EBPL: variants seen among roughly 807,000 people sequenced by gnomAD.
EBPL encodes emopamil-binding protein-like.
In EBPL, 20 loss-of-function variants were observed where a neutral mutation model predicts 19.0. That is an observed-to-expected ratio of 1.05 (90% confidence interval 0.74 to 1.53). The LOEUF is 1.53. Ranked by LOEUF, EBPL falls within the 40% of genes most tolerant of loss-of-function variation. The probability of loss-of-function intolerance (pLI) is 0.00; values close to 1 mark genes in which losing one functional copy is unlikely to be tolerated. For missense variants in EBPL, 219 were observed against 261.1 expected, an observed-to-expected ratio of 0.84 and a Z score of 1.11; for synonymous variants, 107 against 117.0, an observed-to-expected ratio of 0.91 and a Z score of 0.55.
intron 1 of EBPL, among the ~76,000 whole-genome samples, chr13:49,675,355 G>C (rs1319732767): frequency 2.0e-5 from 3 of 152,208 alleles, no homozygotes; most frequent in Admixed American, 6.5e-5. Flanking sequence ...TAGACAATAG[G>C]AATTTTTCAG....
chr13:49,688,502 G>A lies in EBPL; in HGVS notation c.171+2752C>T, dbSNP rs577142109. Among the ~76,000 whole-genome samples the A allele has an allele frequency of 2.7e-4, 41 of 152,206 alleles. 1 individual carries two copies. Among genetic ancestry groups the A allele is most frequent in the African/African-American group, 9.4e-4 (39 of 41,524 alleles). On this transcript the variant is annotated intron_variant, in intron 1 of 3. Coordinates refer to ENST00000242827, the MANE Select transcript of EBPL (RefSeq NM_032565.5). ...TGGAAGGCCGAGGCAGGTAGATCACGAGGTCAGGAGATCGAGACCATCCTG... is the reference window on the plus strand; with the variant it reads ...TGGAAGGCCGAGGCAGGTAGATCACAAGGTCAGGAGATCGAGACCATCCTG...
At chr13:49,687,340 T>C (rs945932137) in intron 1 of EBPL, among the ~76,000 whole-genome samples, 8 of 152,042 alleles carry the variant, frequency 5.3e-5, no homozygotes, top group African/African-American at 1.9e-4. Flanking sequence ...GCCTCTCTCT[T>C]TTTTTTAAAT....
chr13:49,676,433 T>C lies in EBPL; in HGVS notation c.172-6587A>G, dbSNP rs369222238. On this transcript the variant is annotated intron_variant, in intron 1 of 3. Transcript: ENST00000242827. ...GGCGAAACCCCGTCTCTACTAAAAA[T>C]ACAAAAAAATTAGCCGGGCGTGGTG... is the stretch of plus-strand genomic sequence containing the variant. Among the ~76,000 whole-genome samples the C allele has an allele frequency of 2.4e-4, 37 of 151,852 alleles. 1 individual carries two copies. In the East Asian group the frequency reaches 7.0e-3, roughly 29 times the overall value.
chr13:49,663,308 C>G, intron 2 of EBPL, 113 bp from the exon 3 acceptor site: 3 of 1,359,662 alleles, frequency 2.2e-6, no homozygotes, highest in Non-Finnish European at 3.1e-6. Context: ...GCCACTCTCT[C>G]TGCATTCTTC....
chr13:49,689,497 C>T (rs1202420035), intron 1 of EBPL, among the ~76,000 whole-genome samples: 1 of 152,052 alleles, frequency 6.6e-6, no homozygotes, highest in Non-Finnish European at 1.5e-5. Flanking sequence ...TTATGGGCAC[C>T]GTCACCACAC....
intron 2 of EBPL, among the ~76,000 whole-genome samples, chr13:49,666,415 T>C (rs1351809105): frequency 6.6e-6 from 1 of 151,968 alleles, no homozygotes; most frequent in Non-Finnish European, 1.5e-5. Flanking sequence ...AAAGCAGACA[T>C]AATACTGAAT....
intron 2 of EBPL, among the ~76,000 whole-genome samples, chr13:49,667,850 T>C (rs561582215): frequency 6.6e-6 from 1 of 152,184 alleles, no homozygotes; most frequent in Non-Finnish European, 1.5e-5. Context: ...GTGTTAGACA[T>C]TTGCATTTCA....
intron 1 of EBPL, among the ~76,000 whole-genome samples, chr13:49,670,575 C>A (rs891457741): frequency 7.2e-5 from 11 of 152,194 alleles, no homozygotes; most frequent in African/African-American, 2.7e-4. Context: ...TGGGTCCTGC[C>A]ACCCCAGAGG....
At chr13:49,682,898 C>T (rs1482917886) in intron 1 of EBPL, among the ~76,000 whole-genome samples, 1 of 152,148 alleles carries the variant, frequency 6.6e-6, no homozygotes, top group African/African-American at 2.4e-5. Context: ...CCCACCGCCC[C>T]AGGCTCCTTG....
At position 49,671,760 on chromosome 13, in the gene EBPL, C is replaced by T. The variant is rs184922730; in HGVS notation, c.172-1914G>A. ...ATAGATTGTAAATCTCATCCTAAAA[C>T]GAAATGCAACCTCCACTGGCGACCT... On this transcript the variant is annotated intron_variant, in intron 1 of 3. Coordinates refer to ENST00000242827, the MANE Select transcript of EBPL (RefSeq NM_032565.5). Among the ~76,000 whole-genome samples, 205 of 152,268 alleles carry T rather than the reference C, an allele frequency of 1.3e-3. 1 individual carries two copies. The highest frequency in any genetic ancestry group is 4.5e-3 in the African/African-American group (189 of 41,540).
Position 49,669,788 on chromosome 13 carries a change from A to G in EBPL, c.230T>C (p.Ile77Thr). 6.2e-7 allele frequency: 1 copy of G among 1,614,118 alleles called. No individual in the cohort carries two copies. Among genetic ancestry groups the G allele is most frequent in the Non-Finnish European group, 8.5e-7 (1 of 1,179,970 alleles). ...VGNVANSDGL[I>T]ASLWKEYGKA... ...TTTTAATTACTTACATAAAGAAGCA[A>G]TCAAGCCATCGGAATTTGCAACGTT... The change falls in exon 2 of 4, where the codon ATT becomes ACT. Residue 77 changes from isoleucine (I) to threonine (T), a missense_variant. Transcript: ENST00000242827.
intron 1 of EBPL, among the ~76,000 whole-genome samples, chr13:49,688,575 C>T (rs1056448454): frequency 6.6e-6 from 1 of 151,890 alleles, no homozygotes; most frequent in African/African-American, 2.4e-5. Flanking sequence ...AAAAATTAGC[C>T]GGGCGTGGTG....
At chr13:49,663,259 A>C (rs887349635) in intron 2 of EBPL, 64 bp from the exon 3 acceptor site, 2 of 1,589,650 alleles carry the variant, frequency 1.3e-6, no homozygotes, top group African/African-American at 2.7e-5. Context: ...CATGGAAATG[A>C]CCTTTCTTTC....
chr13:49,685,606 G>T (rs1953987867), intron 1 of EBPL, among the ~76,000 whole-genome samples: 1 of 152,172 alleles, frequency 6.6e-6, no homozygotes, highest in Non-Finnish European at 1.5e-5. Flanking sequence ...TGGTCATGGT[G>T]GCTCACGCCT....
At chr13:49,689,027 G>A (rs891052935) in intron 1 of EBPL, among the ~76,000 whole-genome samples, 2 of 152,294 alleles carry the variant, frequency 1.3e-5, no homozygotes, top group African/African-American at 4.8e-5. Flanking sequence ...CTGGTTAAGT[G>A]ATCGTATTCA....
At chr13:49,661,905 A>G (rs1965154989) in intron 3 of EBPL, 3 of 1,550,620 alleles carry the variant, frequency 1.9e-6, no homozygotes, top group Non-Finnish European at 2.6e-6. Flanking sequence ...ATAGCAATCT[A>G]TTCACCCCAG....
At chr13:49,683,456 G>A (rs1395971468) in intron 1 of EBPL, among the ~76,000 whole-genome samples, 2 of 152,006 alleles carry the variant, frequency 1.3e-5, no homozygotes, top group Non-Finnish European at 2.9e-5. Context: ...GTGTGAACCC[G>A]GGAGGCGGAG....
intron 2 of EBPL, among the ~76,000 whole-genome samples, chr13:49,665,913 G>C (rs1470105443): frequency 6.6e-6 from 1 of 152,160 alleles, no homozygotes; most frequent in Non-Finnish European, 1.5e-5. Context: ...AGACTTCCTG[G>C]AGGAGGTGTT....
chr13:49,663,418 C>T (rs1965177843), intron 2 of EBPL, among the ~76,000 whole-genome samples: 1 of 152,192 alleles, frequency 6.6e-6, no homozygotes, highest in Admixed American at 6.5e-5. Context: ...GGTGTCCAAT[C>T]ATTCAGTTTC....
Sources: allele counts gnomAD v4.1 joint callset (sites outside exome capture counted in the v4.1 genomes callset), GRCh38; gene constraint gnomAD v4.1.1; transcripts MANE v1.5; gene names NCBI Gene and HGNC (gene_info 2026-07-23, HGNC 2026-07-21).